CD1B: variants seen among roughly 807,000 people sequenced by gnomAD.
CD1B encodes CD1b molecule, also known as T-cell surface glycoprotein CD1b.
A neutral mutation model predicts 39.8 loss-of-function variants in CD1B; 43 were observed. The observed-to-expected ratio is 1.08, with a 90% CI of 0.85 to 1.39. The LOEUF (loss-of-function observed/expected upper bound fraction) is 1.39. CD1B is among the 40% of genes most tolerant of loss of function. The pLI is 0.00. For synonymous variants in CD1B, 192 were observed against 152.5 expected, an observed-to-expected ratio of 1.26 and a Z score of -1.91; for missense variants, 495 against 403.8, an observed-to-expected ratio of 1.23 and a Z score of -1.94.
At chr1:158,326,721 A>T (rs1035914519), downstream of CD1B, among the ~76,000 whole-genome samples, 1 of 152,064 alleles carries the variant, frequency 6.6e-6, no homozygotes, top group African/African-American at 2.4e-5. Context: ...TGAGTTGATA[A>T]TTTTTTCAAA....
chr1:158,330,875 C>T lies in CD1B; in HGVS notation c.249G>A (p.Glu83=). 1.2e-6 allele frequency: 2 copies of T among 1,614,052 alleles called. No homozygotes were observed. The highest frequency in any genetic ancestry group is 2.2e-5 in the East Asian group (1 of 44,876). The change falls in exon 2 of 6, where the codon GAG becomes GAA. Residue 83 remains glutamate (E), a synonymous_variant. Transcript: ENST00000368168. The part of the protein sequence containing the change: ...KGNFSDKEVA[E]LEEIFRVYIF... Reference sequence around the variant, plus strand: ...TGTAGACTCGGAATATCTCCTCTAACTCAGCAACCTCCTTATCACTAAAGT... The same window carrying T: ...TGTAGACTCGGAATATCTCCTCTAATTCAGCAACCTCCTTATCACTAAAGT...
At chr1:158,308,464 A>G in the CD1B span, among the ~76,000 whole-genome samples, 1 of 152,242 alleles carries the variant, frequency 6.6e-6, no homozygotes, top group Admixed American at 6.5e-5. Flanking sequence ...CTTTCTTCAC[A>G]GAATTGGAAA....
chr1:158,329,004 G>A lies in CD1B; in HGVS notation c.897C>T (p.Thr299=). The A allele has an allele frequency of 6.2e-7, 1 of 1,613,430 alleles. No individual in the cohort carries two copies. The highest frequency in any genetic ancestry group is 8.5e-7 in the Non-Finnish European group (1 of 1,179,648). ...TTGCCAAAACAATTGAGCCAATGGAGGTGGGGTTTCCTGGCAATTGAGAGA... is the reference window on the plus strand; with the variant it reads ...TTGCCAAAACAATTGAGCCAATGGAAGTGGGGTTTCCTGGCAATTGAGAGA... ...QDIILYWRNP[T]SIGSIVLAII... is the part of the protein sequence containing the mutation. The change falls in exon 5 of 6, where the codon ACC becomes ACT. Residue 299 remains threonine, a synonymous_variant. Transcript: ENST00000368168.
In CD1B at chr1:158,328,074, CT is replaced by C; in HGVS notation, c.*161del. On this transcript the variant is annotated 3_prime_UTR_variant, in exon 6 of 6. Coordinates refer to ENST00000368168, the MANE Select transcript of CD1B (RefSeq NM_001764.3). ...CATAATAAATTTACAGTTTTAAGTA[CT>C]TTTTTGCTGATGTTTAAATAATAAT... 1 of 607,548 alleles carries C rather than the reference CT, an allele frequency of 1.6e-6. No individual in the cohort carries two copies. The highest frequency in any genetic ancestry group is 2.9e-6 in the Non-Finnish European group (1 of 345,596). The allele number at this position is 607,548 out of a possible 1,614,324, so 37.6% of individuals were successfully genotyped here.
At chr1:158,299,383 T>A in the CD1B span, among the ~76,000 whole-genome samples, 1 of 152,234 alleles carries the variant, frequency 6.6e-6, no homozygotes, top group Non-Finnish European at 1.5e-5. Context: ...TCATGGTGGA[T>A]AAGCTTTTTG....
rs143290689 is a variant in CD1B at position 158,328,734 on chromosome 1, C to T, written c.980+187G>A. 2.3e-3 allele frequency among the ~76,000 whole-genome samples: 351 copies of T among 152,106 alleles called. 1 individual carries two copies. The highest frequency in any genetic ancestry group is 0.017 in the Middle Eastern group (5 of 294). On this transcript the variant is annotated intron_variant, in intron 5 of 5. Coordinates refer to ENST00000368168, the MANE Select transcript of CD1B (RefSeq NM_001764.3). ...ACTTAAAAATGGTAAAGATGGTAAA[C>T]CTTATGTTATGTGTATTTTAACAGA...
chr1:158,320,351 A>G, the CD1B span, among the ~76,000 whole-genome samples: 1 of 152,184 alleles, frequency 6.6e-6, no homozygotes, highest in Non-Finnish European at 1.5e-5. Context: ...TGTGGGATAT[A>G]ATCTCATGGT....
chr1:158,297,177 A>C, the CD1B span, among the ~76,000 whole-genome samples: 1 of 151,970 alleles, frequency 6.6e-6, no homozygotes, highest in East Asian at 1.9e-4. Context: ...AATGTGAAAG[A>C]AAAAAATACT....
the CD1B span, among the ~76,000 whole-genome samples, chr1:158,317,443 T>C: frequency 6.6e-6 from 1 of 152,224 alleles, no homozygotes; most frequent in Admixed American, 6.5e-5. Flanking sequence ...TTCTAGTTTA[T>C]TTGCGTAGAG....
At chr1:158,298,284 T>C in the CD1B span, among the ~76,000 whole-genome samples, 51 of 152,262 alleles carry the variant, frequency 3.3e-4, no homozygotes, top group Non-Finnish European at 5.6e-4. Flanking sequence ...TATGTTATCA[T>C]ACAATAATGG....
At chr1:158,318,919 A>T in the CD1B span, among the ~76,000 whole-genome samples, 1 of 152,144 alleles carries the variant, frequency 6.6e-6, no homozygotes, top group Admixed American at 6.5e-5. Flanking sequence ...TCCTTCACTT[A>T]TGAAGCTTAG....
rs150676728 is a variant in CD1B, at chr1:158,330,839, G to A, written c.285C>T (p.Phe95=). Residue 95 remains phenylalanine, a synonymous_variant, in exon 2 of 6, where the codon TTC becomes TTT. Coordinates refer to ENST00000368168, the MANE Select transcript of CD1B (RefSeq NM_001764.3). ...CGGCAAAGTCTTGTACTTCTCGAGC[G>A]AATCCAAAGATGTAGACTCGGAATA... The part of the protein sequence containing the change: ...EEIFRVYIFG[F]AREVQDFAGD... The A allele has an allele frequency of 2.0e-5, 32 of 1,613,926 alleles. No individual in the cohort carries two copies. The highest frequency in any genetic ancestry group is 1.7e-4 in the African/African-American group (13 of 74,900).
At chr1:158,327,100 A>G (rs1652384055), downstream of CD1B, among the ~76,000 whole-genome samples, 1 of 152,174 alleles carries the variant, frequency 6.6e-6, no homozygotes, top group Non-Finnish European at 1.5e-5. Context: ...CTTGGCCCCT[A>G]TAAAATTATT....
the CD1B span, among the ~76,000 whole-genome samples, chr1:158,322,226 C>T: frequency 6.6e-6 from 1 of 152,060 alleles, no homozygotes; most frequent in African/African-American, 2.4e-5. Flanking sequence ...CCAAATTTAT[C>T]TGTATTCCTA....
chr1:158,328,034 C>A lies in CD1B; in HGVS notation c.*202G>T. 1 of 538,276 alleles carries A rather than the reference C, an allele frequency of 1.9e-6. No homozygotes were observed. The highest frequency in any genetic ancestry group is 3.3e-6 in the Non-Finnish European group (1 of 303,462). The allele number at this position is 538,276 out of a possible 1,614,324, so 33.3% of individuals were successfully genotyped here. On this transcript the variant is annotated 3_prime_UTR_variant, in exon 6 of 6. Coordinates refer to ENST00000368168, the MANE Select transcript of CD1B (RefSeq NM_001764.3). ...GTGTGTAAAATCAGGGTGAATCACA[C>A]TGTTAGTACAGTCTCATAATAAATT...
At chr1:158,317,918 G>A in the CD1B span, among the ~76,000 whole-genome samples, 1 of 152,142 alleles carries the variant, frequency 6.6e-6, no homozygotes, top group African/African-American at 2.4e-5. Context: ...ATTTCATTAT[G>A]TACCCAGTAG....
At chr1:158,331,235 T>C in intron 1 of CD1B, 128 bp downstream of exon 1, 1 of 1,086,006 alleles carries the variant, frequency 9.2e-7, no homozygotes, top group Non-Finnish European at 1.4e-6. Context: ...ACCACCAGAA[T>C]GGTTGAAGAG....
At chr1:158,291,408 C>T in the CD1B span, 1 of 1,611,834 alleles carries the variant, frequency 6.2e-7, no homozygotes, top group Non-Finnish European at 8.5e-7. Flanking sequence ...AATGTAAGTT[C>T]AATCATCTAA....
the CD1B span, among the ~76,000 whole-genome samples, chr1:158,286,790 T>C: frequency 6.6e-6 from 1 of 152,172 alleles, no homozygotes; most frequent in Non-Finnish European, 1.5e-5. Context: ...GTGAGGGTGT[T>C]ACTTACTCTT....
Sources: allele counts gnomAD v4.1 joint callset (sites outside exome capture counted in the v4.1 genomes callset), GRCh38; gene constraint gnomAD v4.1.1; transcripts MANE v1.5; gene names NCBI Gene and HGNC (gene_info 2026-07-23, HGNC 2026-07-21).